Variants in RYR1 observed in about 807,000 individuals in gnomAD.
The protein encoded by RYR1 is central core disease of muscle.
Under a neutral mutation model 583.5 loss-of-function variants are expected in RYR1, and 342 were observed. The observed-to-expected ratio is 0.59, with a 90% CI of 0.54 to 0.64. The LOEUF is 0.64. Ranked by LOEUF, RYR1 falls within the 30% of genes least tolerant of loss-of-function variation. RYR1 has a pLI of 0.00. For missense variants in RYR1, 6,032 were observed against 6,917.2 expected, an observed-to-expected ratio of 0.87 and a Z score of 4.54; for synonymous variants, 2,791 against 2,822.5, an observed-to-expected ratio of 0.99 and a Z score of 0.35.
In RYR1 at chr19:38,524,338, T is replaced by G. The variant is rs1266187398; in HGVS notation, c.10455+409T>G. Among the ~76,000 whole-genome samples, 6 of 151,618 alleles carry G rather than the reference T, an allele frequency of 4.0e-5. No individual in the cohort carries two copies. In the East Asian group the frequency reaches 1.2e-3, roughly 30 times the overall value. On this transcript the variant is annotated intron_variant, in intron 70 of 105. Transcript: ENST00000359596. ...GCCGTGGATGGTTTAAAGCTTGGGC[T>G]CTGGACTGTATGGACTGGGGTTAGA...
At chr19:38,508,633 C>G (rs1000419531) in intron 58 of RYR1, among the ~76,000 whole-genome samples, 1 of 152,170 alleles carries the variant, frequency 6.6e-6, no homozygotes, top group African/African-American at 2.4e-5. Flanking sequence ...CTGTTCCTTG[C>G]AGGCAAAGGA....
chr19:38,486,872 G>C (rs1197173008), intron 34 of RYR1, among the ~76,000 whole-genome samples: 1 of 151,798 alleles, frequency 6.6e-6, no homozygotes, highest in Non-Finnish European at 1.5e-5. Context: ...CCATCAACAA[G>C]ATCTTTCCAT....
rs1364626230 is a variant in RYR1 at position 38,577,976 on chromosome 19, T to C, written c.14231T>C (p.Met4744Thr). The C allele has an allele frequency of 2.5e-6, 4 of 1,613,928 alleles. No individual in the cohort carries two copies. Among genetic ancestry groups the C allele is most frequent in the Non-Finnish European group, 3.4e-6 (4 of 1,180,006 alleles). Residue 4744 changes from methionine (M) to threonine (T), a missense_variant, in exon 98 of 106, where the codon ATG becomes ACG. Physicochemically the swap from Met to Thr is moderately conservative, Grantham distance 81. Around this residue, in one of 11 missense-constraint regions of RYR1, gnomAD observed 188 missense variants for 215.6 expected, o/e 0.87. Coordinates refer to ENST00000359596, the MANE Select transcript of RYR1 (RefSeq NM_000540.3). Reference sequence around the variant, plus strand: ...GAGCGGATTGCTGAGCTACTGGGCATGGACCTGGCCACACTAGAGATCACA... The same window carrying C: ...GAGCGGATTGCTGAGCTACTGGGCACGGACCTGGCCACACTAGAGATCACA... ...GRERIAELLG[M>T]DLATLEITAH...
intron 31 of RYR1, among the ~76,000 whole-genome samples, chr19:38,480,331 A>G (rs1043758381): frequency 6.6e-6 from 1 of 151,310 alleles, no homozygotes; most frequent in African/African-American, 2.4e-5. Context: ...TTTAGTGGAG[A>G]CAGGATCTTG....
At chr19:38,566,365 C>T (rs1337907912) in intron 91 of RYR1, among the ~76,000 whole-genome samples, 1 of 139,700 alleles carries the variant, frequency 7.2e-6, no homozygotes, top group African/African-American at 2.6e-5. Flanking sequence ...AGGAGAATCG[C>T]TTGAACCCGG....
At chr19:38,451,980 C>T in intron 12 of RYR1, 95 bp downstream of exon 12, 1 of 1,547,036 alleles carries the variant, frequency 6.5e-7, no homozygotes, top group East Asian at 2.3e-5. Context: ...ACCTCTGTTG[C>T]CCACACCCTT....
chr19:38,551,298 G>C (rs1211735598), intron 89 of RYR1, among the ~76,000 whole-genome samples: 1 of 151,086 alleles, frequency 6.6e-6, no homozygotes, highest in Non-Finnish European at 1.5e-5. Context: ...GGTCAGGCTG[G>C]TTTCAAATTC....
chr19:38,473,747 C>A lies in RYR1; in HGVS notation c.4136C>A (p.Thr1379Asn). Residue 1379 changes from threonine (T) to asparagine (N), a missense_variant, in exon 28 of 106, where the codon ACC becomes AAC. Thr to Asn is a moderately conservative substitution (Grantham distance 65). This residue lies in a region of RYR1 where 2,627 missense variants were observed against 2,961.3 expected (regional missense o/e 0.89). Transcript: ENST00000359596. ...PARAENEKDA[T>N]TEKNKKRGFL... is the part of the protein sequence containing the mutation. The stretch of plus-strand genomic sequence containing the variant: ...AGGGCGGAGAATGAGAAGGATGCCA[C>A]CACCGAGAAGAACAAGAAGAGAGGG... 1.9e-6 allele frequency: 3 copies of A among 1,539,600 alleles called. No homozygotes were observed. The highest frequency in any genetic ancestry group is 2.6e-6 in the Non-Finnish European group (3 of 1,142,410).
chr19:38,468,847 C>T, intron 25 of RYR1, 119 bp from the exon 26 acceptor site: 1 of 1,046,832 alleles, frequency 9.6e-7, no homozygotes, highest in Admixed American at 2.0e-5. Context: ...TCCATACCAC[C>T]TGCCCTGAAC....
intron 67 of RYR1, among the ~76,000 whole-genome samples, chr19:38,521,672 G>A (rs112231089): frequency 0.12 from 18,521 of 150,638 alleles, 2,019 homozygotes; most frequent in African/African-American, 0.29. Context: ...ACTCCAGCCT[G>A]GGCGACAGAG....
chr19:38,452,663 G>A (rs1967137094), intron 12 of RYR1, among the ~76,000 whole-genome samples, 156 bp from the exon 13 acceptor site: 1 of 152,192 alleles, frequency 6.6e-6, no homozygotes, highest in Admixed American at 6.5e-5. Flanking sequence ...TGGCCATTGT[G>A]TGACCTCGGA....
chr19:38,482,783 G>A (rs1032858098), intron 31 of RYR1, among the ~76,000 whole-genome samples: 3 of 152,064 alleles, frequency 2.0e-5, no homozygotes, highest in African/African-American at 4.8e-5. Context: ...AGAGAAATGC[G>A]AAGGGCATTC....
chr19:38,500,269 G>A lies in RYR1; in HGVS notation c.7323+253G>A, dbSNP rs534074609. Reference sequence around the variant, plus strand: ...ATGGGGGAGCACAGGAAGAGGGGTCGGGGCTGGGATTGCAGGGCACACGGA... The same window carrying A: ...ATGGGGGAGCACAGGAAGAGGGGTCAGGGCTGGGATTGCAGGGCACACGGA... On this transcript the variant is annotated intron_variant, in intron 45 of 105. Coordinates refer to ENST00000359596, the MANE Select transcript of RYR1 (RefSeq NM_000540.3). The surrounding 1 kb of genome is among the most constrained non-coding windows in gnomAD (Gnocchi z 5.9). Among the ~76,000 whole-genome samples, 2 of 151,528 alleles carry A rather than the reference G, an allele frequency of 1.3e-5. No individual in the cohort carries two copies. Among genetic ancestry groups the A allele is most frequent in the South Asian group, 2.1e-4 (1 of 4,774 alleles).
chr19:38,559,374 C>T (rs554354128), intron 89 of RYR1, among the ~76,000 whole-genome samples: 1 of 151,718 alleles, frequency 6.6e-6, no homozygotes, highest in East Asian at 2.0e-4. Flanking sequence ...GCTGGGATTA[C>T]AGGCACGCAC....
At chr19:38,574,323 TA>T (rs1223648504) in intron 96 of RYR1, among the ~76,000 whole-genome samples, 3 of 149,930 alleles carry the variant, frequency 2.0e-5, no homozygotes, top group Non-Finnish European at 4.4e-5. Flanking sequence ...AAGAAATCAT[TA>T]GGGGCCCTAG....
intron 13 of RYR1, among the ~76,000 whole-genome samples, chr19:38,454,874 G>A (rs1967281680): frequency 6.6e-6 from 1 of 152,116 alleles, no homozygotes; most frequent in Non-Finnish European, 1.5e-5. Context: ...TCCAGTTGGT[G>A]GGAGTGGGGT....
chr19:38,573,851 G>A (rs1353441006), intron 96 of RYR1, among the ~76,000 whole-genome samples: 2 of 152,158 alleles, frequency 1.3e-5, no homozygotes, highest in Non-Finnish European at 2.9e-5. Flanking sequence ...GAGGCCTGGA[G>A]GTTCCTGTTC....
Position 38,496,607 on chromosome 19 carries a change from C to A in RYR1, c.6796+66C>A. 6.3e-7 allele frequency: 1 copy of A among 1,590,224 alleles called. No individual in the cohort carries two copies. The highest frequency in any genetic ancestry group is 8.6e-7 in the Non-Finnish European group (1 of 1,160,832). On this transcript the variant is annotated intron_variant, in intron 41 of 105. Transcript: ENST00000359596. The surrounding 1 kb of genome is among the most constrained non-coding windows in gnomAD (Gnocchi z 4.8). ...CTCCTGGCACCCCGTCCAGGCCTGC[C>A]CCACTTTCCACCAGCTCACTCATTC...
At chr19:38,539,303 T>A (rs1972107247) in intron 84 of RYR1, among the ~76,000 whole-genome samples, 1 of 150,288 alleles carries the variant, frequency 6.7e-6, no homozygotes, top group African/African-American at 2.4e-5. Context: ...TGCAGTGGTG[T>A]GATCACAGCT....
Sources: gnomAD v4.1 joint callset for allele counts (sites outside exome capture counted in the v4.1 genomes callset) on GRCh38, gnomAD v4.1.1 for gene constraint, gnomAD v4.1.1 regional missense constraint, Gnocchi (gnomAD v3.1) non-coding constraint, MANE v1.5 for transcripts, NCBI Gene and HGNC (gene_info 2026-07-23, HGNC 2026-07-21) for gene names.